F3: variants seen among roughly 807,000 people sequenced by gnomAD.
F3 encodes tissue factor.
F3 carries 18 observed loss-of-function variants against 33.5 expected under a neutral mutation model. The ratio of observed to expected loss-of-function variants is 0.54; its 90% CI spans 0.37 to 0.80. F3 has a LOEUF of 0.80. Among genes scored for constraint, F3 ranks in the 30% least tolerant of loss-of-function variants. The probability of loss-of-function intolerance (pLI) is 0.00; values close to 1 mark genes in which losing one functional copy is unlikely to be tolerated. For missense variants in F3, 353 were observed against 362.1 expected (o/e 0.97, Z 0.20); for synonymous variants, 147 against 140.7 (o/e 1.05, Z -0.32).
chr1:94,531,861 G>A (rs1469985314), intron 5 of F3, among the ~76,000 whole-genome samples: 3 of 152,218 alleles, frequency 2.0e-5, no homozygotes, highest in African/African-American at 7.2e-5. Flanking sequence ...CCCTTCCCTT[G>A]ATGGGTTAGA....
chr1:94,530,073 CAAAAAAAA>C lies in F3; in HGVS notation c.*379_*386del, dbSNP rs58927022. 2.7e-4 allele frequency: 20 copies of C among 72,776 alleles called. No individual in the cohort carries two copies. The highest frequency in any genetic ancestry group is 1.7e-3 in the East Asian group (4 of 2,322). 4.5% of individuals were successfully genotyped at this position (72,776 alleles called of 1,614,324 possible). A position where few individuals can be genotyped will look rare whatever the true frequency, so the allele number is the denominator to read the frequency against. Reference sequence around the variant, plus strand: ...TGGGCAACAGAGCAAGACTCCGTCTCAAAAAAAAAAAAAAAAAAAAAAAAGCTTTTCAA... The same window carrying C: ...TGGGCAACAGAGCAAGACTCCGTCTCAAAAAAAAAAAAAAAAGCTTTTCAA... On this transcript the variant is annotated 3_prime_UTR_variant, in exon 6 of 6. Transcript: ENST00000334047.
intron 1 of F3, among the ~76,000 whole-genome samples, 153 bp downstream of exon 1, chr1:94,541,384 C>T (rs1285203963): frequency 1.3e-5 from 2 of 152,214 alleles, no homozygotes; most frequent in Non-Finnish European, 2.9e-5. Context: ...TCGGTTCATT[C>T]AAGCCGGGCT....
At chr1:94,534,318 T>C (rs1570863187) in intron 3 of F3, among the ~76,000 whole-genome samples, 1 of 152,204 alleles carries the variant, frequency 6.6e-6, no homozygotes, top group Admixed American at 6.5e-5. Flanking sequence ...AACCGATAGG[T>C]AGGCTATTAG....
Position 94,533,183 on chromosome 1 carries a change from G to C in F3, c.498C>G (p.Val166=), listed in dbSNP as rs1490657838. The C allele has an allele frequency of 6.2e-7, 1 of 1,613,962 alleles. No homozygotes were observed. Among genetic ancestry groups the C allele is most frequent in the South Asian group, 1.1e-5 (1 of 90,992 alleles). The change falls in exon 4 of 6, where the codon GTC becomes GTG. Residue 166 remains valine (V), a synonymous_variant. Transcript: ENST00000334047. ...GGCTTAGGAAAGTGTTGTTCCTTCT[G>C]ACTAAAGTCCGTTCATCTTCTACGG... The part of the protein sequence containing the change: ...NVTVEDERTL[V]RRNNTFLSLR...
intron 1 of F3, chr1:94,541,183 A>G (rs1257684139): frequency 7.9e-6 from 2 of 253,952 alleles, no homozygotes; most frequent in Middle Eastern, 1.1e-3. Flanking sequence ...CGCAGGCACA[A>G]GTCCTATCAT....
At chr1:94,537,495 C>G (rs189210429) in intron 2 of F3, among the ~76,000 whole-genome samples, 9 of 152,288 alleles carry the variant, frequency 5.9e-5, no homozygotes, top group African/African-American at 1.9e-4. Flanking sequence ...CTGCCTGGTA[C>G]GAGGGCTGCA....
intron 1 of F3, 34 bp downstream of exon 1, chr1:94,541,503 G>T: frequency 7.1e-7 from 1 of 1,417,660 alleles, no homozygotes; most frequent in African/African-American, 1.5e-5. Flanking sequence ...TGCGTGTGGC[G>T]CGCCCCGGGC....
In F3 at chr1:94,535,896, G is replaced by A. The variant is rs1146516; in HGVS notation, c.412+69C>T. On this transcript the variant is annotated intron_variant, in intron 3 of 5. Coordinates refer to ENST00000334047, the MANE Select transcript of F3 (RefSeq NM_001993.5). ...ATTTTTAATTTTGTAGCCCCTAAAG[G>A]CACAAGATCACGAGAATGTTCAGAC... 10,444 of 1,432,124 alleles carry A rather than the reference G, an allele frequency of 7.3e-3. 722 individuals carry two copies. In the African/African-American group the frequency reaches 0.13, roughly 18 times the overall value. The allele number at this position is 1,432,124 out of a possible 1,614,324, so 88.7% of individuals were successfully genotyped here. A position where few individuals can be genotyped will look rare whatever the true frequency, so the allele number is the denominator to read the frequency against.
chr1:94,535,797 G>A (rs1347358601), intron 3 of F3, among the ~76,000 whole-genome samples, 168 bp downstream of exon 3: 1 of 152,036 alleles, frequency 6.6e-6, no homozygotes, highest in Non-Finnish European at 1.5e-5. Flanking sequence ...CACATTCTGT[G>A]AACCTCCTAC....
At chr1:94,533,533 G>A (rs1207680016) in intron 3 of F3, among the ~76,000 whole-genome samples, 2 of 152,174 alleles carry the variant, frequency 1.3e-5, no homozygotes, top group Admixed American at 6.5e-5. Flanking sequence ...AAAGGAACAG[G>A]TGAAATTAAT....
In F3 at chr1:94,529,403, A is replaced by G. The variant is rs1196197977; in HGVS notation, c.*1057T>C. On this transcript the variant is annotated 3_prime_UTR_variant, in exon 6 of 6. Transcript: ENST00000334047. ...AGAACAATATTACCTACATAAATAG[A>G]AAATCCCCATATAGAAAACCTTTTT... 1 of 152,610 alleles carries G rather than the reference A, an allele frequency of 6.6e-6. No homozygotes were observed. Among genetic ancestry groups the G allele is most frequent in the Non-Finnish European group, 1.5e-5 (1 of 68,036 alleles). 9.5% of individuals were successfully genotyped at this position (152,610 alleles called of 1,614,324 possible). A position where few individuals can be genotyped will look rare whatever the true frequency, so the allele number is the denominator to read the frequency against.
chr1:94,532,617 T>C, intron 4 of F3, 137 bp from the exon 5 acceptor site: 1 of 905,904 alleles, frequency 1.1e-6, no homozygotes. Context: ...GGATTAGAAG[T>C]GACTTCGCTA....
chr1:94,529,199 G>A lies in F3; in HGVS notation c.*1261C>T, dbSNP rs577333083. 28 of 152,634 alleles carry A rather than the reference G, an allele frequency of 1.8e-4. No individual in the cohort carries two copies. Among genetic ancestry groups the A allele is most frequent in the African/African-American group, 5.5e-4 (23 of 41,544 alleles). The allele number at this position is 152,634 out of a possible 1,614,324, so 9.5% of individuals were successfully genotyped here. A position where few individuals can be genotyped will look rare whatever the true frequency, so the allele number is the denominator to read the frequency against. On this transcript the variant is annotated 3_prime_UTR_variant, in exon 6 of 6. Transcript: ENST00000334047. ...ACAGTCACCAAAATGTATTATAAGC[G>A]AAAAAGATACGTTGTTGTAAGCCAC... is the stretch of plus-strand genomic sequence containing the variant.
chr1:94,536,983 C>T (rs540879283), intron 2 of F3, among the ~76,000 whole-genome samples: 39 of 152,122 alleles, frequency 2.6e-4, no homozygotes, highest in Non-Finnish European at 4.9e-4. Flanking sequence ...AGCTCACAGG[C>T]ACTAAGCAAC....
Position 94,541,712 on chromosome 1 carries a change from T to C in F3, c.-76A>G. 1 of 982,298 alleles carries C rather than the reference T, an allele frequency of 1.0e-6. No homozygotes were observed. The highest frequency in any genetic ancestry group is 1.4e-6 in the Non-Finnish European group (1 of 724,964). The allele number at this position is 982,298 out of a possible 1,614,324, so 60.8% of individuals were successfully genotyped here. A position where few individuals can be genotyped will look rare whatever the true frequency, so the allele number is the denominator to read the frequency against. On this transcript the variant is annotated 5_prime_UTR_variant, in exon 1 of 6. Coordinates refer to ENST00000334047, the MANE Select transcript of F3 (RefSeq NM_001993.5). ...TGGGGAGGTTGGGCTGAAGGCGCCC[T>C]GGGCCGGCCAGAGGGAGTGCGAGGG...
At chr1:94,534,564 G>C (rs1651538714) in intron 3 of F3, among the ~76,000 whole-genome samples, 1 of 152,124 alleles carries the variant, frequency 6.6e-6, no homozygotes, top group Non-Finnish European at 1.5e-5. Flanking sequence ...GTGGCTAGTG[G>C]CTACTATACT....
At chr1:94,530,620 C>T in intron 5 of F3, 24 bp from the exon 6 acceptor site, 4 of 1,600,594 alleles carry the variant, frequency 2.5e-6, no homozygotes, top group Non-Finnish European at 3.4e-6. Context: ...GGCATCTAGT[C>T]AACTTGGAGA....
chr1:94,534,422 T>C (rs1434634065), intron 3 of F3, among the ~76,000 whole-genome samples: 1 of 152,196 alleles, frequency 6.6e-6, no homozygotes, highest in African/African-American at 2.4e-5. Context: ...GTCAACTGCA[T>C]ATATCTGGAA....
At chr1:94,533,038 C>T (rs932435379) in intron 4 of F3, 52 bp downstream of exon 4, 4 of 1,556,342 alleles carry the variant, frequency 2.6e-6, no homozygotes, top group Non-Finnish European at 3.5e-6. Flanking sequence ...TTGTAAAACC[C>T]AAGTATTCAC....
Sources: gnomAD v4.1 joint callset for allele counts (sites outside exome capture counted in the v4.1 genomes callset) on GRCh38, gnomAD v4.1.1 for gene constraint, MANE v1.5 for transcripts, NCBI Gene and HGNC (gene_info 2026-07-23, HGNC 2026-07-21) for gene names.